PRIM2: variants seen among roughly 807,000 people sequenced by gnomAD.
The protein encoded by PRIM2 is DNA primase subunit 2.
A neutral mutation model predicts 67.3 loss-of-function variants in PRIM2; 39 were observed. That is an observed-to-expected ratio of 0.58 (90% CI 0.45 to 0.76). The LOEUF is 0.76. Ranked by LOEUF, PRIM2 falls within the 30% of genes least tolerant of loss-of-function variation. The probability of loss-of-function intolerance (pLI) is 0.00; values close to 1 mark genes in which losing one functional copy is unlikely to be tolerated. For missense variants in PRIM2, 398 were observed against 598.7 expected (o/e 0.66, Z 3.50); for synonymous variants, 143 against 198.7 (o/e 0.72, Z 2.36).
At chr6:57,510,738 C>A (rs1311343345) in intron 8 of PRIM2, among the ~76,000 whole-genome samples, 2 of 152,100 alleles carry the variant, frequency 1.3e-5, no homozygotes, top group Non-Finnish European at 2.9e-5. Context: ...TTTGACACTT[C>A]CTGTTCTACA....
At chr6:57,620,068 C>T (rs1467599527) in intron 12 of PRIM2, among the ~76,000 whole-genome samples, 2 of 152,084 alleles carry the variant, frequency 1.3e-5, no homozygotes, top group African/African-American at 4.8e-5. Context: ...TGGTGACACA[C>T]AACTGTAGTC....
At chr6:57,269,870 C>A in the PRIM2 span, among the ~76,000 whole-genome samples, 1 of 152,190 alleles carries the variant, frequency 6.6e-6, no homozygotes, top group Non-Finnish European at 1.5e-5. Context: ...TTTCCCACCA[C>A]CATTTATTAA....
chr6:57,434,486 C>G (rs1229148566), intron 7 of PRIM2, among the ~76,000 whole-genome samples: 1 of 151,736 alleles, frequency 6.6e-6, no homozygotes, highest in Non-Finnish European at 1.5e-5. Flanking sequence ...TTTTCTGTAA[C>G]ACCAATAATT....
intron 10 of PRIM2, among the ~76,000 whole-genome samples, chr6:57,567,165 A>G (rs1775760199): frequency 6.6e-6 from 1 of 151,826 alleles, no homozygotes. Flanking sequence ...TGGGGATTAG[A>G]AAAAAAAATA....
At chr6:57,614,956 T>C (rs1776729257) in intron 12 of PRIM2, among the ~76,000 whole-genome samples, 1 of 152,202 alleles carries the variant, frequency 6.6e-6, no homozygotes, top group Non-Finnish European at 1.5e-5. Flanking sequence ...TTTCAATGTT[T>C]TGTTAGTTTG....
intron 7 of PRIM2, among the ~76,000 whole-genome samples, chr6:57,409,789 AAC>A (rs56730679): frequency 0.63 from 95,664 of 151,872 alleles, 30,335 homozygotes; most frequent in South Asian, 0.73. Context: ...TTTGAAGAGC[AAC>A]AAAGTTTTAC....
At position 57,446,418 on chromosome 6, in the gene PRIM2, CTTT is replaced by C. The variant is rs397958660; in HGVS notation, c.694-60956_694-60954del. On this transcript the variant is annotated intron_variant, in intron 7 of 13. Coordinates refer to ENST00000615550, the MANE Select transcript of PRIM2 (RefSeq NM_000947.5). Reference sequence around the variant, plus strand: ...GGCATAGGCCTGGCACACGCCACTTCTTTTTTTTTTTTTTTGAGACAGTCTTGC... The same window carrying C: ...GGCATAGGCCTGGCACACGCCACTTCTTTTTTTTTTTTGAGACAGTCTTGC... Among the ~76,000 whole-genome samples the C allele has an allele frequency of 7.2e-5, 6 of 83,804 alleles. 1 individual carries two copies. Among genetic ancestry groups the C allele is most frequent in the African/African-American group, 1.5e-4 (3 of 20,576 alleles). The allele number at this position is 83,804 out of a possible 152,430, so 55.0% of individuals were successfully genotyped here.
chr6:57,423,538 A>G (rs1403392694), intron 7 of PRIM2, among the ~76,000 whole-genome samples: 1 of 152,180 alleles, frequency 6.6e-6, no homozygotes, highest in Non-Finnish European at 1.5e-5. Flanking sequence ...AGCTGTGGCA[A>G]AGTCAGGAAG....
At chr6:57,338,062 A>G (rs1327849376) in intron 5 of PRIM2, among the ~76,000 whole-genome samples, 2 of 151,938 alleles carry the variant, frequency 1.3e-5, no homozygotes, top group Non-Finnish European at 2.9e-5. Context: ...AACTACCATC[A>G]GAGAATACTA....
At chr6:57,460,169 T>C (rs1772955953) in intron 7 of PRIM2, among the ~76,000 whole-genome samples, 1 of 152,128 alleles carries the variant, frequency 6.6e-6, no homozygotes, top group African/African-American at 2.4e-5. Context: ...TTTTTTTTTT[T>C]TCAAACTTGA....
At chr6:57,331,840 A>G (rs1434732749) in intron 5 of PRIM2, among the ~76,000 whole-genome samples, 1 of 151,864 alleles carries the variant, frequency 6.6e-6, no homozygotes, top group African/African-American at 2.4e-5. Context: ...GGATTTGTTC[A>G]AAGAACCAAC....
intron 7 of PRIM2, among the ~76,000 whole-genome samples, chr6:57,461,536 A>C (rs1773001705): frequency 6.6e-6 from 1 of 152,062 alleles, no homozygotes; most frequent in African/African-American, 2.4e-5. Context: ...AGTGAATTCA[A>C]TGCAAGTTTA....
chr6:57,459,275 A>G (rs1772918299), intron 7 of PRIM2, among the ~76,000 whole-genome samples: 5 of 152,298 alleles, frequency 3.3e-5, no homozygotes, highest in Admixed American at 3.3e-4. Context: ...AATTCAATAA[A>G]TGTCATTTCC....
chr6:57,614,506 A>G (rs1776719079), intron 12 of PRIM2, among the ~76,000 whole-genome samples: 1 of 152,022 alleles, frequency 6.6e-6, no homozygotes, highest in Non-Finnish European at 1.5e-5. Context: ...TAGATATACA[A>G]TCTATATTGG....
At chr6:57,526,389 G>T (rs1774753770) in intron 8 of PRIM2, among the ~76,000 whole-genome samples, 1 of 152,090 alleles carries the variant, frequency 6.6e-6, no homozygotes, top group African/African-American at 2.4e-5. Flanking sequence ...ATTTATGGAT[G>T]AAAAAAAGTG....
chr6:57,470,892 G>A (rs1449431390), intron 7 of PRIM2, among the ~76,000 whole-genome samples: 9 of 152,060 alleles, frequency 5.9e-5, no homozygotes, highest in African/African-American at 1.2e-4. Context: ...CTCTACGTAC[G>A]TATACACTTC....
rs556421552 is a variant in PRIM2 at position 57,417,610 on chromosome 6, G to C, written c.693+35442G>C. Among the ~76,000 whole-genome samples, 98 of 152,278 alleles carry C rather than the reference G, an allele frequency of 6.4e-4. 2 individuals are homozygous for C. The East Asian group carries it at 0.016, about 25-fold the overall frequency. ...AGCCACAAGACACACAATATTTCCT[G>C]ATGAAGCTCATCTTATAGGGGCATA... On this transcript the variant is annotated intron_variant, in intron 7 of 13. Coordinates refer to ENST00000615550, the MANE Select transcript of PRIM2 (RefSeq NM_000947.5).
intron 10 of PRIM2, among the ~76,000 whole-genome samples, chr6:57,581,811 A>G (rs1227219166): frequency 6.6e-6 from 1 of 152,162 alleles, no homozygotes; most frequent in African/African-American, 2.4e-5. Context: ...ATACAGTCCA[A>G]AAAAGATTCC....
At chr6:57,534,113 G>A (rs1430831414) in intron 9 of PRIM2, among the ~76,000 whole-genome samples, 3 of 152,052 alleles carry the variant, frequency 2.0e-5, no homozygotes, top group Admixed American at 6.6e-5. Flanking sequence ...TAACAAATCT[G>A]GCTTTCTCAA....
Sources: allele counts gnomAD v4.1 joint callset (sites outside exome capture counted in the v4.1 genomes callset), GRCh38; gene constraint gnomAD v4.1.1; transcripts MANE v1.5; gene names NCBI Gene and HGNC (gene_info 2026-07-23, HGNC 2026-07-21).